The following SIN3A variants were observed in gnomAD, a reference collection of about 807,000 sequenced individuals.
SIN3A encodes SIN3 transcription regulator family member A.
A neutral mutation model predicts 146.1 loss-of-function variants in SIN3A; 14 were observed. That is an observed-to-expected ratio of 0.10 (90% CI 0.06 to 0.15). The LOEUF (loss-of-function observed/expected upper bound fraction) is 0.15, where lower values mean the gene tolerates loss of function less well. SIN3A is among the 10% of genes least tolerant of loss of function. SIN3A has a pLI of 1.00. For synonymous variants in SIN3A, 572 were observed against 572.0 expected (o/e 1.00, Z 0.00); for missense variants, 1,028 against 1,576.0 (o/e 0.65, Z 5.89).
chr15:75,390,945 C>T (rs1330103485), intron 15 of SIN3A, among the ~76,000 whole-genome samples: 1 of 152,172 alleles, frequency 6.6e-6, no homozygotes, highest in East Asian at 1.9e-4. Flanking sequence ...TTGTCACTGA[C>T]TAATTGGTTA....
chr15:75,378,147 G>A (rs1001344826), intron 19 of SIN3A, among the ~76,000 whole-genome samples: 4 of 152,228 alleles, frequency 2.6e-5, no homozygotes, highest in South Asian at 2.1e-4. Context: ...AGCCAATTGC[G>A]TAAAGTTACA....
chr15:75,452,377 C>T (rs967461736), upstream of SIN3A, among the ~76,000 whole-genome samples: 3 of 152,162 alleles, frequency 2.0e-5, no homozygotes, highest in Non-Finnish European at 2.9e-5. Context: ...AGCTCATCAG[C>T]GGAGACTCCA....
At chr15:75,376,859 TAAAAAAAA>T (rs200318256) in intron 19 of SIN3A, among the ~76,000 whole-genome samples, 5 of 115,798 alleles carry the variant, frequency 4.3e-5, no homozygotes, top group Admixed American at 1.8e-4. Flanking sequence ...GACACTGTCT[TAAAAAAAA>T]AAAAAAAAAA....
At position 75,415,509 on chromosome 15, in the gene SIN3A, C is replaced by T. The variant is rs1374552001; in HGVS notation, c.367-1198G>A. The T allele has an allele frequency of 7.3e-5, 15 of 206,656 alleles. No individual in the cohort carries two copies. The South Asian group carries it at 1.3e-3, about 17-fold the overall frequency. 12.8% of individuals were successfully genotyped at this position (206,656 alleles called of 1,614,324 possible). On this transcript the variant is annotated intron_variant, in intron 3 of 20. Transcript: ENST00000394947. Reference sequence around the variant, plus strand: ...GGTGAAGAACAACCCAGAGAAGATCCGCAAGGTTGTATGCTAAACCTGCTC... The same window carrying T: ...GGTGAAGAACAACCCAGAGAAGATCTGCAAGGTTGTATGCTAAACCTGCTC...
intron 1 of SIN3A, among the ~76,000 whole-genome samples, chr15:75,431,631 A>T (rs1434869090): frequency 6.7e-6 from 1 of 148,618 alleles, no homozygotes; most frequent in Non-Finnish European, 1.5e-5. Context: ...CCACCCCCTC[A>T]TCTGAAATAC....
At chr15:75,405,280 C>T (rs993629630) in intron 9 of SIN3A, among the ~76,000 whole-genome samples, 14 of 150,736 alleles carry the variant, frequency 9.3e-5, no homozygotes, top group Non-Finnish European at 1.6e-4. Context: ...GCAGGAGAAT[C>T]GCTTGAACCC....
intron 20 of SIN3A, 123 bp from the exon 21 acceptor site, chr15:75,372,332 CACT>C: frequency 1.9e-6 from 1 of 532,858 alleles, no homozygotes; most frequent in Middle Eastern, 4.8e-4. Context: ...TCTTAGATAC[CACT>C]GTTTTTTTCT....
At chr15:75,379,415 T>C (rs1439180189) in intron 19 of SIN3A, among the ~76,000 whole-genome samples, 2 of 152,168 alleles carry the variant, frequency 1.3e-5, no homozygotes, top group Admixed American at 1.3e-4. Flanking sequence ...TTCCATACAC[T>C]TCAACTACCC....
In SIN3A at chr15:75,369,895, TC is replaced by T. The variant is rs1350686962; in HGVS notation, c.*2083del. ...GCCCCAGCTTTGCCCTAAAATCTCA[TC>T]CCACAAAGCTCTTTTTGGCACCCTA... On this transcript the variant is annotated 3_prime_UTR_variant, in exon 21 of 21. Transcript: ENST00000394947. The T allele has an allele frequency of 6.6e-6, 1 of 152,196 alleles. No individual in the cohort carries two copies. Among genetic ancestry groups the T allele is most frequent in the Non-Finnish European group, 1.5e-5 (1 of 68,076 alleles). 9.4% of individuals were successfully genotyped at this position (152,196 alleles called of 1,614,324 possible).
chr15:75,389,790 A>T lies in SIN3A; in HGVS notation c.2883T>A (p.Ala961=), dbSNP rs767999300. The change falls in exon 16 of 21, where the codon GCT becomes GCA. Residue 961 remains alanine (A), a synonymous_variant. Coordinates refer to ENST00000394947, the MANE Select transcript of SIN3A (RefSeq NM_001145358.2). The part of the protein sequence containing the change: ...MDVDVEDYYP[A]FLDMVRSLLD... ...GCAGGCTCCGCACCATGTCCAGGAA[A>T]GCTGGGTAATAATCTTCTACATCAA... The T allele has an allele frequency of 1.1e-5, 17 of 1,614,060 alleles. No homozygotes were observed. In the African/African-American group the frequency reaches 2.3e-4, roughly 22 times the overall value.
rs1394603148 is a variant in SIN3A, at chr15:75,451,496, G to C, written c.-107C>G. 1 of 150,100 alleles carries C rather than the reference G, an allele frequency of 6.7e-6. No homozygotes were observed. The highest frequency in any genetic ancestry group is 1.5e-5 in the Non-Finnish European group (1 of 67,536). 9.3% of individuals were successfully genotyped at this position (150,100 alleles called of 1,614,324 possible). A position where few individuals can be genotyped will look rare whatever the true frequency, so the allele number is the denominator to read the frequency against. The stretch of plus-strand genomic sequence containing the variant: ...GCCGCGAGCTCAGCAGGGAGGCCCC[G>C]AGAACGGCGCGGGGCACAGGCCCGC... On this transcript the variant is annotated 5_prime_UTR_variant, in exon 1 of 21. Coordinates refer to ENST00000394947, the MANE Select transcript of SIN3A (RefSeq NM_001145358.2).
intron 10 of SIN3A, among the ~76,000 whole-genome samples, chr15:75,401,471 T>G (rs559023270): frequency 6.6e-6 from 1 of 151,954 alleles, no homozygotes; most frequent in Non-Finnish European, 1.5e-5. Flanking sequence ...GAGGCGGAGG[T>G]TGCAGTGAGC....
chr15:75,421,053 G>A lies in SIN3A; in HGVS notation c.366+1594C>T, dbSNP rs1445752515. ...AGGAAGGTGGGTAAAAACTGGTGTT[G>A]TGCTTTGATAGGGTTGATTGAAAAA... On this transcript the variant is annotated intron_variant, in intron 3 of 20. Coordinates refer to ENST00000394947, the MANE Select transcript of SIN3A (RefSeq NM_001145358.2). The A allele has an allele frequency of 2.0e-5, 3 of 152,184 alleles. No homozygotes were observed. The East Asian group carries it at 5.8e-4, about 29-fold the overall frequency. The allele number at this position is 152,184 out of a possible 1,614,324, so 9.4% of individuals were successfully genotyped here. A position where few individuals can be genotyped will look rare whatever the true frequency, so the allele number is the denominator to read the frequency against.
intron 8 of SIN3A, among the ~76,000 whole-genome samples, chr15:75,409,317 T>C (rs902469544): frequency 1.3e-5 from 2 of 152,096 alleles, no homozygotes; most frequent in African/African-American, 4.8e-5. Flanking sequence ...CTCAGAAAAG[T>C]ACAGTAATCC....
At chr15:75,448,175 TA>T (rs59766455) in intron 1 of SIN3A, 563 of 133,926 alleles carry the variant, frequency 4.2e-3, no homozygotes, top group Middle Eastern at 0.015. Flanking sequence ...AGACTTCGTC[TA>T]AAAAAAAAAA....
upstream of SIN3A, among the ~76,000 whole-genome samples, chr15:75,452,124 TGG>T (rs1412448307): frequency 6.6e-6 from 1 of 152,092 alleles, no homozygotes; most frequent in African/African-American, 2.4e-5. Context: ...GTAACCGATG[TGG>T]GGTAAAATGT....
intron 6 of SIN3A, among the ~76,000 whole-genome samples, 169 bp downstream of exon 6, chr15:75,411,323 G>A (rs943111267): frequency 3.3e-5 from 5 of 152,120 alleles, no homozygotes; most frequent in African/African-American, 4.8e-5. Flanking sequence ...GCAAGACTCC[G>A]TCTCGAAAAA....
chr15:75,386,874 C>T lies in SIN3A; in HGVS notation c.3022-2437G>A, dbSNP rs191800987. Among the ~76,000 whole-genome samples, 395 of 152,244 alleles carry T rather than the reference C, an allele frequency of 2.6e-3. 3 individuals carry two copies. The highest frequency in any genetic ancestry group is 3.9e-3 in the Non-Finnish European group (268 of 68,006). ...TGGCTGGAATGCAGTGGTGCAATCA[C>T]GGCTCACTGCAGCCTCAACTTCCTG... On this transcript the variant is annotated intron_variant, in intron 16 of 20. Transcript: ENST00000394947.
intron 19 of SIN3A, among the ~76,000 whole-genome samples, chr15:75,378,286 C>T (rs748951251): frequency 3.9e-5 from 6 of 152,116 alleles, no homozygotes; most frequent in Non-Finnish European, 7.3e-5. Flanking sequence ...TCACTGGGGC[C>T]GGGTGCAGTG....
Sources: gnomAD v4.1 joint callset for allele counts (sites outside exome capture counted in the v4.1 genomes callset) on GRCh38, gnomAD v4.1.1 for gene constraint, MANE v1.5 for transcripts, NCBI Gene and HGNC (gene_info 2026-07-23, HGNC 2026-07-21) for gene names.